The following OR2T12 variants were observed in gnomAD, a reference collection of about 807,000 sequenced individuals.
The protein encoded by OR2T12 is olfactory receptor 2T12.
For missense variants in OR2T12, 335 were observed against 404.3 expected (o/e 0.83, Z 1.47); for synonymous variants, 127 against 160.5 (o/e 0.79, Z 1.58).
At position 248,293,063 on chromosome 1, in the gene OR2T12, CTCTTAG is replaced by C. The variant is rs1659655261; in HGVS notation, c.*1547_*1552del. The C allele has an allele frequency of 1.3e-5, 2 of 152,100 alleles. No homozygotes were observed. Among genetic ancestry groups the C allele is most frequent in the African/African-American group, 4.8e-5 (2 of 41,430 alleles). 9.4% of individuals were successfully genotyped at this position (152,100 alleles called of 1,614,324 possible). ...GAGATTAATTAACAAGAGTAGGAAACTCTTAGTCTTAAACAGATGACACTCTCTCCT... is the reference window on the plus strand; with the variant it reads ...GAGATTAATTAACAAGAGTAGGAAACTCTTAAACAGATGACACTCTCTCCT... On this transcript the variant is annotated 3_prime_UTR_variant, in exon 3 of 3. Transcript: ENST00000641276.
At chr1:248,297,760 TG>T (rs1659753970) in intron 2 of OR2T12, among the ~76,000 whole-genome samples, 1 of 149,042 alleles carries the variant, frequency 6.7e-6, no homozygotes, top group Non-Finnish European at 1.5e-5. Context: ...GCTGAGACAA[TG>T]GGGTTTTCTA....
At chr1:248,299,475 AG>A (rs1418799495) in intron 2 of OR2T12, among the ~76,000 whole-genome samples, 1 of 152,158 alleles carries the variant, frequency 6.6e-6, no homozygotes, top group Non-Finnish European at 1.5e-5. Context: ...GAATTCAACA[AG>A]AAGAGCTAAC....
At chr1:248,302,547 A>C (rs1659824604) in intron 1 of OR2T12, among the ~76,000 whole-genome samples, 1 of 152,146 alleles carries the variant, frequency 6.6e-6, no homozygotes, top group Admixed American at 6.5e-5. Context: ...GTTGTAAATA[A>C]ACATTTTTGT....
intron 2 of OR2T12, among the ~76,000 whole-genome samples, chr1:248,298,459 T>C (rs1365309891): frequency 2.0e-5 from 3 of 152,172 alleles, no homozygotes; most frequent in Non-Finnish European, 4.4e-5. Context: ...TGGTAGAATT[T>C]GCCTGTGAAT....
In OR2T12 at chr1:248,293,054, A is replaced by G. The variant is rs746836438; in HGVS notation, c.*1562T>C. 6.6e-6 allele frequency: 1 copy of G among 152,110 alleles called. No individual in the cohort carries two copies. Among genetic ancestry groups the G allele is most frequent in the Non-Finnish European group, 1.5e-5 (1 of 67,978 alleles). The allele number at this position is 152,110 out of a possible 1,614,324, so 9.4% of individuals were successfully genotyped here. On this transcript the variant is annotated 3_prime_UTR_variant, in exon 3 of 3. Transcript: ENST00000641276. ...CTGGGTAAGGAGATTAATTAACAAG[A>G]GTAGGAAACTCTTAGTCTTAAACAG...
At chr1:248,302,942 A>G (rs1227992276) in intron 1 of OR2T12, among the ~76,000 whole-genome samples, 1 of 152,050 alleles carries the variant, frequency 6.6e-6, no homozygotes, top group African/African-American at 2.4e-5. Context: ...TGGATATTCG[A>G]TTTTTGGTTT....
intron 1 of OR2T12, among the ~76,000 whole-genome samples, chr1:248,302,576 C>T (rs760117259): frequency 8.6e-5 from 13 of 152,026 alleles, no homozygotes; most frequent in Non-Finnish European, 1.6e-4. Context: ...AGTTTAAAAA[C>T]ATATTTAAAT....
At chr1:248,303,070 C>G (rs1177554100) in intron 1 of OR2T12, among the ~76,000 whole-genome samples, 9 of 152,096 alleles carry the variant, frequency 5.9e-5, no homozygotes, top group Non-Finnish European at 1.2e-4. Flanking sequence ...CATTCACTAT[C>G]AATATCTTTT....
intron 2 of OR2T12, among the ~76,000 whole-genome samples, chr1:248,296,147 T>G (rs1440640737): frequency 6.6e-6 from 1 of 152,194 alleles, no homozygotes; most frequent in Non-Finnish European, 1.5e-5. Context: ...GAATGATGAT[T>G]TCCAATTTCA....
chr1:248,292,587 G>T lies in OR2T12; in HGVS notation c.*2029C>A, dbSNP rs1370091817. 3 of 151,980 alleles carry T rather than the reference G, an allele frequency of 2.0e-5. No individual in the cohort carries two copies. The highest frequency in any genetic ancestry group is 7.2e-5 in the African/African-American group (3 of 41,406). 9.4% of individuals were successfully genotyped at this position (151,980 alleles called of 1,614,324 possible). Reference sequence around the variant, plus strand: ...GCAAGTTACAAAAGCAATAAGAAATGAACATATAATTTCTAAAAGTATTTA... The same window carrying T: ...GCAAGTTACAAAAGCAATAAGAAATTAACATATAATTTCTAAAAGTATTTA... On this transcript the variant is annotated 3_prime_UTR_variant, in exon 3 of 3. Transcript: ENST00000641276.
In OR2T12 at chr1:248,291,246, C is replaced by G. The variant is rs1161366356; in HGVS notation, c.*3370G>C. ...AGCTGATAAGCAACTTCAGCAAAGTCTCAGGATACAATATCAATGTGTAAA... is the reference window on the plus strand; with the variant it reads ...AGCTGATAAGCAACTTCAGCAAAGTGTCAGGATACAATATCAATGTGTAAA... On this transcript the variant is annotated 3_prime_UTR_variant, in exon 3 of 3. Coordinates refer to ENST00000641276, the MANE Select transcript of OR2T12 (RefSeq NM_001004692.2). The G allele has an allele frequency of 6.6e-6, 1 of 152,096 alleles. No individual in the cohort carries two copies. Among genetic ancestry groups the G allele is most frequent in the Non-Finnish European group, 1.5e-5 (1 of 68,026 alleles). 9.4% of individuals were successfully genotyped at this position (152,096 alleles called of 1,614,324 possible). A position where few individuals can be genotyped will look rare whatever the true frequency, so the allele number is the denominator to read the frequency against.
At position 248,294,875 on chromosome 1, in the gene OR2T12, G is replaced by C. The variant is rs1473776883; in HGVS notation, c.704C>G (p.Ala235Gly). 6.2e-7 allele frequency: 1 copy of C among 1,612,164 alleles called. No homozygotes were observed. Among genetic ancestry groups the C allele is most frequent in the African/African-American group, 1.3e-5 (1 of 74,830 alleles). The change falls in exon 3 of 3, where the codon GCC (alanine) becomes GGC (glycine). Residue 235 changes from alanine (A) to glycine (G), a missense_variant. Ala to Gly is a moderately conservative substitution (Grantham distance 60). Transcript: ENST00000641276. ...LMRSTEARKKAFATCSSHVAV... is the reference protein window; with the variant it reads ...LMRSTEARKKGFATCSSHVAV... ...CACATGTGAAGAGCAGGTGGCAAAG[G>C]CCTTCTTGCGGGCTTCTGTAGAGCG...
In OR2T12 at chr1:248,295,043, G is replaced by T; in HGVS notation, c.536C>A (p.Ala179Asp). ...AHEIDHFFCE[A>D]PVLVRLACAD... is the part of the protein sequence containing the mutation. ...ACAAGCCAAACGCACCAACACGGGG[G>T]CCTCGCAGAAGAAGTGATCGATCTC... The change falls in exon 3 of 3, where the codon GCC (alanine) becomes GAC (aspartate). Residue 179 changes from alanine (A) to aspartate (D), a missense_variant. By Grantham distance (126) the Ala-to-Asp change is moderately radical (BLOSUM62 -2). Coordinates refer to ENST00000641276, the MANE Select transcript of OR2T12 (RefSeq NM_001004692.2). The T allele has an allele frequency of 6.2e-7, 1 of 1,609,668 alleles. No homozygotes were observed. Among genetic ancestry groups the T allele is most frequent in the South Asian group, 1.1e-5 (1 of 90,870 alleles).
rs555819444 is a variant in OR2T12 at position 248,291,933 on chromosome 1, C to A, written c.*2683G>T. ...CTTCAACTTTATACAAAAAATCACT[C>A]AAGATGAAGACTTAAACATAAAACA... On this transcript the variant is annotated 3_prime_UTR_variant, in exon 3 of 3. Coordinates refer to ENST00000641276, the MANE Select transcript of OR2T12 (RefSeq NM_001004692.2). The A allele has an allele frequency of 3.3e-5, 5 of 152,096 alleles. No homozygotes were observed. In the South Asian group the frequency reaches 1.0e-3, roughly 32 times the overall value. 9.4% of individuals were successfully genotyped at this position (152,096 alleles called of 1,614,324 possible).
intron 2 of OR2T12, among the ~76,000 whole-genome samples, chr1:248,296,109 G>T (rs1175958071): frequency 6.6e-6 from 1 of 151,514 alleles, no homozygotes. Flanking sequence ...CCGGTGTTTG[G>T]TTTTTTGTCC....
At chr1:248,296,452 C>T (rs1042877888) in intron 2 of OR2T12, among the ~76,000 whole-genome samples, 7 of 152,182 alleles carry the variant, frequency 4.6e-5, no homozygotes, top group African/African-American at 9.7e-5. Flanking sequence ...AATGGTTGAA[C>T]GAGTTTACAG....
intron 2 of OR2T12, among the ~76,000 whole-genome samples, chr1:248,295,836 A>G (rs962244662): frequency 6.6e-6 from 1 of 152,020 alleles, no homozygotes; most frequent in African/African-American, 2.4e-5. Context: ...AAATGAATAA[A>G]AATTTTTTTT....
intron 2 of OR2T12, among the ~76,000 whole-genome samples, chr1:248,299,244 T>C (rs559429636): frequency 4.9e-4 from 74 of 152,232 alleles, no homozygotes; most frequent in South Asian, 3.1e-3. Flanking sequence ...GACTGGCACA[T>C]TGGATAAAGA....
intron 2 of OR2T12, 134 bp from the exon 3 acceptor site, chr1:248,295,720 C>T: frequency 8.6e-7 from 1 of 1,167,114 alleles, no homozygotes; most frequent in African/African-American, 1.5e-5. Context: ...CCCTGACTCC[C>T]AGTAGGCACA....
Sources: gnomAD v4.1 joint callset for allele counts (sites outside exome capture counted in the v4.1 genomes callset) on GRCh38, gnomAD v4.1.1 for gene constraint, MANE v1.5 for transcripts, NCBI Gene and HGNC (gene_info 2026-07-23, HGNC 2026-07-21) for gene names.